ZNF804B: variants seen among roughly 807,000 people sequenced by gnomAD.
ZNF804B encodes zinc finger 804B.
ZNF804B carries 80 observed loss-of-function variants against 101.4 expected under a neutral mutation model. The ratio of observed to expected loss-of-function variants is 0.79; its 90% CI spans 0.66 to 0.95. ZNF804B has a LOEUF of 0.95. ZNF804B is among the 40% of genes least tolerant of loss of function. The probability of loss-of-function intolerance (pLI) is 0.00; values close to 1 mark genes in which losing one functional copy is unlikely to be tolerated. For missense variants in ZNF804B, 1,673 were observed against 1,561.9 expected (o/e 1.07, Z -1.20); for synonymous variants, 622 against 558.8 (o/e 1.11, Z -1.59).
intron 1 of ZNF804B, among the ~76,000 whole-genome samples, chr7:89,086,281 G>A (rs1249792466): frequency 3.9e-5 from 6 of 151,938 alleles, no homozygotes; most frequent in Admixed American, 3.9e-4. Flanking sequence ...GGTTCATTAT[G>A]CATTTCGTGA....
At chr7:89,012,434 C>T (rs909256100) in intron 1 of ZNF804B, among the ~76,000 whole-genome samples, 3 of 152,168 alleles carry the variant, frequency 2.0e-5, no homozygotes, top group Non-Finnish European at 4.4e-5. Flanking sequence ...CATCATTAGG[C>T]TACAAATTTT....
chr7:89,324,589 G>A (rs1790868905), intron 2 of ZNF804B, among the ~76,000 whole-genome samples: 1 of 139,306 alleles, frequency 7.2e-6, no homozygotes, highest in Non-Finnish European at 1.6e-5. Flanking sequence ...TAATTGTCCA[G>A]TCTACCTTAC....
intron 1 of ZNF804B, among the ~76,000 whole-genome samples, chr7:88,766,826 G>A (rs912221286): frequency 6.6e-6 from 1 of 152,134 alleles, no homozygotes; most frequent in African/African-American, 2.4e-5. Context: ...TTTTGTACTG[G>A]ACAGCAATGA....
intron 2 of ZNF804B, among the ~76,000 whole-genome samples, chr7:89,231,099 G>A (rs1789185325): frequency 6.6e-6 from 1 of 151,988 alleles, no homozygotes; most frequent in Non-Finnish European, 1.5e-5. Flanking sequence ...ATAGGTCTAT[G>A]ATCTAATTTT....
intron 1 of ZNF804B, among the ~76,000 whole-genome samples, chr7:88,942,451 T>G (rs1264963434): frequency 1.3e-5 from 2 of 151,078 alleles, no homozygotes; most frequent in Non-Finnish European, 3.0e-5. Context: ...TGAAGTAGAG[T>G]GGAATAGAGT....
chr7:89,184,574 G>T (rs7780666), intron 1 of ZNF804B, among the ~76,000 whole-genome samples: 27,721 of 151,984 alleles, frequency 0.18, 2,576 homozygotes, highest in Admixed American at 0.23. Context: ...ATAATTTAGT[G>T]CATATGTTTC....
chr7:88,858,752 C>T (rs907601902), intron 1 of ZNF804B, among the ~76,000 whole-genome samples: 2 of 152,040 alleles, frequency 1.3e-5, no homozygotes, highest in South Asian at 4.1e-4. Flanking sequence ...GACATTTTAG[C>T]GTGGATAAAC....
chr7:88,844,235 T>G (rs1424108523), intron 1 of ZNF804B, among the ~76,000 whole-genome samples: 5 of 152,240 alleles, frequency 3.3e-5, no homozygotes, highest in Non-Finnish European at 7.3e-5. Context: ...CTAAATTTCC[T>G]TAATATTGTC....
At chr7:89,027,958 A>G (rs1788776408) in intron 1 of ZNF804B, among the ~76,000 whole-genome samples, 2 of 152,094 alleles carry the variant, frequency 1.3e-5, no homozygotes, top group African/African-American at 2.4e-5. Flanking sequence ...GCTGTACTGG[A>G]ATGTCAGTTT....
chr7:89,233,411 TA>T (rs1378943792), intron 2 of ZNF804B, among the ~76,000 whole-genome samples: 2 of 150,644 alleles, frequency 1.3e-5, no homozygotes, highest in African/African-American at 5.0e-5. Flanking sequence ...ATATATAATG[TA>T]TTTTTTATGA....
At chr7:88,999,293 TATATC>T (rs1425844336) in intron 1 of ZNF804B, among the ~76,000 whole-genome samples, 1 of 152,056 alleles carries the variant, frequency 6.6e-6, no homozygotes, top group African/African-American at 2.4e-5. Context: ...TAAAATGTCT[TATATC>T]AGTACTATAT....
intron 2 of ZNF804B, among the ~76,000 whole-genome samples, chr7:89,232,112 GT>G (rs1789201563): frequency 6.6e-6 from 1 of 152,034 alleles, no homozygotes; most frequent in South Asian, 2.1e-4. Context: ...TATTGAGAGG[GT>G]GTTTTATTTA....
chr7:89,128,733 TTTCTAC>T (rs1161443801), intron 1 of ZNF804B, among the ~76,000 whole-genome samples: 1 of 152,084 alleles, frequency 6.6e-6, no homozygotes, highest in Non-Finnish European at 1.5e-5. Flanking sequence ...CTCTCTGTTT[TTTCTAC>T]TTCTCTGTGT....
intron 2 of ZNF804B, among the ~76,000 whole-genome samples, chr7:89,270,164 C>T (rs1384607750): frequency 6.6e-6 from 1 of 152,072 alleles, no homozygotes; most frequent in Non-Finnish European, 1.5e-5. Context: ...AATGGTATTG[C>T]CTAGGTTTTC....
intron 1 of ZNF804B, among the ~76,000 whole-genome samples, chr7:88,981,254 C>A (rs531858006): frequency 1.3e-5 from 2 of 152,180 alleles, no homozygotes; most frequent in African/African-American, 4.8e-5. Flanking sequence ...CCCTTCAAGG[C>A]AGTGTGCTCC....
At chr7:88,912,922 A>T (rs1170335356) in intron 1 of ZNF804B, among the ~76,000 whole-genome samples, 1 of 152,194 alleles carries the variant, frequency 6.6e-6, no homozygotes, top group Non-Finnish European at 1.5e-5. Context: ...ACAACTAAAG[A>T]AAACTAGAAA....
At chr7:88,827,738 A>G (rs1365227177) in intron 1 of ZNF804B, among the ~76,000 whole-genome samples, 2 of 152,086 alleles carry the variant, frequency 1.3e-5, no homozygotes, top group African/African-American at 2.4e-5. Context: ...TCTGTGCAGC[A>G]TGCCGTATTT....
chr7:89,076,027 A>T (rs959825153), intron 1 of ZNF804B, among the ~76,000 whole-genome samples: 6 of 152,350 alleles, frequency 3.9e-5, no homozygotes, highest in Admixed American at 3.9e-4. Flanking sequence ...GTATCTAGGA[A>T]GAAACTAACT....
chr7:88,871,689 T>C (rs1791825441), intron 1 of ZNF804B, among the ~76,000 whole-genome samples: 1 of 152,040 alleles, frequency 6.6e-6, no homozygotes, highest in African/African-American at 2.4e-5. Context: ...CTGGGCTGGG[T>C]GCTGTGGCTC....
Sources: allele counts gnomAD v4.1 joint callset (sites outside exome capture counted in the v4.1 genomes callset), GRCh38; gene constraint gnomAD v4.1.1; transcripts MANE v1.5; gene names NCBI Gene and HGNC (gene_info 2026-07-23, HGNC 2026-07-21).